HDAC9: variants seen among roughly 807,000 people sequenced by gnomAD.
The protein encoded by HDAC9 is histone deacetylase 9, also known as MEF-2 interacting transcription repressor (MITR) protein.
In HDAC9, 41 loss-of-function variants were observed where a neutral mutation model predicts 139.4. That is an observed-to-expected ratio of 0.29 (90% CI 0.23 to 0.38). The LOEUF (loss-of-function observed/expected upper bound fraction) is 0.38, where lower values mean the gene tolerates loss of function less well. Ranked by LOEUF, HDAC9 falls within the 10% of genes least tolerant of loss-of-function variation. HDAC9 has a pLI of 1.00. For synonymous variants in HDAC9, 517 were observed against 476.2 expected, an observed-to-expected ratio of 1.09 and a Z score of -1.12; for missense variants, 1,147 against 1,297.0, an observed-to-expected ratio of 0.88 and a Z score of 1.78.
At chr7:18,836,337 C>T (rs1051129330) in intron 21 of HDAC9, among the ~76,000 whole-genome samples, 4 of 152,110 alleles carry the variant, frequency 2.6e-5, no homozygotes, top group Non-Finnish European at 5.9e-5. Context: ...CCTTCATTAC[C>T]TATTTGATTT....
At chr7:18,680,586 A>G (rs981558391) in intron 12 of HDAC9, among the ~76,000 whole-genome samples, 1 of 151,970 alleles carries the variant, frequency 6.6e-6, no homozygotes, top group African/African-American at 2.4e-5. Flanking sequence ...ATGTGGATGT[A>G]TAACTTCTGA....
intron 11 of HDAC9, 92 bp from the exon 12 acceptor site, chr7:18,666,121 A>T: frequency 7.8e-7 from 1 of 1,275,116 alleles, no homozygotes. Flanking sequence ...TAGAAATCAC[A>T]GTGTATGAGT....
chr7:18,451,615 T>G (rs1199793592), intron 1 of HDAC9, among the ~76,000 whole-genome samples: 1 of 151,968 alleles, frequency 6.6e-6, no homozygotes, highest in Non-Finnish European at 1.5e-5. Context: ...TTGTATCCAC[T>G]GATTTATGTG....
intron 24 of HDAC9, among the ~76,000 whole-genome samples, chr7:18,958,069 C>G (rs1341295757): frequency 2.0e-5 from 3 of 152,078 alleles, no homozygotes; most frequent in Admixed American, 2.0e-4. Context: ...TGGCTCCTTG[C>G]CTGGCCACAT....
At chr7:18,412,056 G>A (rs1788617193) in intron 1 of HDAC9, among the ~76,000 whole-genome samples, 1 of 151,482 alleles carries the variant, frequency 6.6e-6, no homozygotes, top group African/African-American at 2.4e-5. Flanking sequence ...TTGAACTCCT[G>A]ACCTCAAATG....
intron 14 of HDAC9, among the ~76,000 whole-genome samples, chr7:18,760,011 A>G (rs1789242363): frequency 6.6e-6 from 1 of 152,222 alleles, no homozygotes; most frequent in South Asian, 2.1e-4. Flanking sequence ...AAAGTTTATG[A>G]TAGTCATCAA....
chr7:18,517,455 G>A (rs951442204), intron 2 of HDAC9, among the ~76,000 whole-genome samples: 3 of 152,152 alleles, frequency 2.0e-5, no homozygotes, highest in Non-Finnish European at 2.9e-5. Flanking sequence ...TGTGTGATGC[G>A]AGAGCTGCCT....
upstream of HDAC9, among the ~76,000 whole-genome samples, chr7:18,495,354 A>G (rs564926494): frequency 1.3e-5 from 2 of 152,262 alleles, no homozygotes; most frequent in African/African-American, 4.8e-5. Context: ...AACACATACT[A>G]CAAAAATAAA....
intron 2 of HDAC9, among the ~76,000 whole-genome samples, chr7:18,256,131 T>C (rs1242058035): frequency 4.6e-5 from 7 of 152,206 alleles, no homozygotes; most frequent in African/African-American, 1.7e-4. Flanking sequence ...AGGTTTCCAC[T>C]TCCTATTTTT....
intron 1 of HDAC9, among the ~76,000 whole-genome samples, chr7:18,151,504 C>T (rs1786776004): frequency 6.6e-6 from 1 of 152,134 alleles, no homozygotes; most frequent in South Asian, 2.1e-4. Flanking sequence ...TTTCCTGGAG[C>T]AGGTGAATGT....
At chr7:18,763,810 A>G (rs1296664228) in intron 15 of HDAC9, among the ~76,000 whole-genome samples, 1 of 152,112 alleles carries the variant, frequency 6.6e-6, no homozygotes, top group African/African-American at 2.4e-5. Context: ...AAACAAGTAG[A>G]AAACCTCCCC....
chr7:18,247,627 G>A (rs777790433), intron 2 of HDAC9, among the ~76,000 whole-genome samples: 2 of 152,034 alleles, frequency 1.3e-5, no homozygotes, highest in East Asian at 1.9e-4. Flanking sequence ...CCCCTTCTTC[G>A]GTGCCTCACC....
intron 2 of HDAC9, among the ~76,000 whole-genome samples, chr7:18,280,915 T>C (rs576297183): frequency 6.6e-6 from 1 of 152,366 alleles, no homozygotes; most frequent in Non-Finnish European, 1.5e-5. Context: ...TCTGCCCTTT[T>C]CTTCTTTGTT....
At chr7:18,538,338 A>G (rs1487862691) in intron 2 of HDAC9, among the ~76,000 whole-genome samples, 3 of 152,202 alleles carry the variant, frequency 2.0e-5, no homozygotes, top group Non-Finnish European at 4.4e-5. Context: ...CTAGTTAAGT[A>G]TGGTGGTATG....
At chr7:18,764,894 T>C (rs932072211) in intron 15 of HDAC9, among the ~76,000 whole-genome samples, 10 of 150,688 alleles carry the variant, frequency 6.6e-5, no homozygotes, top group Non-Finnish European at 1.5e-4. Flanking sequence ...CTGTCAGTCT[T>C]TGTATCTTGA....
At chr7:18,338,413 G>A (rs1781744356) in intron 1 of HDAC9, among the ~76,000 whole-genome samples, 1 of 151,566 alleles carries the variant, frequency 6.6e-6, no homozygotes, top group South Asian at 2.1e-4. Flanking sequence ...CAAGGATTAG[G>A]CTCAAGGTAC....
At chr7:18,138,527 G>GGTGTGTGTGTGT (rs71014309) in intron 1 of HDAC9, among the ~76,000 whole-genome samples, 89 of 142,668 alleles carry the variant, frequency 6.2e-4, no homozygotes, top group Middle Eastern at 3.6e-3. Context: ...GAGAGAGAGA[G>GGTGTGTGTGTGT]GTGTGTGTGT....
chr7:18,403,187 A>G (rs1016220897), intron 1 of HDAC9, among the ~76,000 whole-genome samples: 26 of 152,188 alleles, frequency 1.7e-4, no homozygotes, highest in African/African-American at 7.2e-5. Flanking sequence ...AGTTAAGTGT[A>G]TAAATACAGT....
chr7:18,621,868 A>C (rs1270451780), intron 6 of HDAC9, among the ~76,000 whole-genome samples: 1 of 152,208 alleles, frequency 6.6e-6, no homozygotes. Context: ...TTGATTAACT[A>C]GACTGGAGGA....
Sources: allele counts gnomAD v4.1 joint callset (sites outside exome capture counted in the v4.1 genomes callset), GRCh38; gene constraint gnomAD v4.1.1; transcripts MANE v1.5; gene names NCBI Gene and HGNC (gene_info 2026-07-23, HGNC 2026-07-21).